The following ASNS variants were observed in gnomAD, a reference collection of about 807,000 sequenced individuals.
ASNS encodes the protein asparagine synthetase [glutamine-hydrolyzing].
In ASNS, 37 loss-of-function variants were observed where a neutral mutation model predicts 62.6. That is an observed-to-expected ratio of 0.59 (90% confidence interval 0.45 to 0.78). The LOEUF is 0.78. ASNS is among the 30% of genes least tolerant of loss of function. ASNS has a pLI of 0.00. For missense variants in ASNS, 520 were observed against 682.4 expected (o/e 0.76, Z 2.65); for synonymous variants, 207 against 237.9 (o/e 0.87, Z 1.19).
chr7:97,903,242 G>GT, the ASNS span, among the ~76,000 whole-genome samples: 697 of 142,676 alleles, frequency 4.9e-3, 6 homozygotes, highest in African/African-American at 0.016. Flanking sequence ...AAGATCCAGA[G>GT]TTTTTTTTTT....
Position 97,856,830 on chromosome 7 carries a change from G to A in ASNS, c.904-14C>T, listed in dbSNP as rs1562814863. 1.3e-6 allele frequency: 2 copies of A among 1,583,600 alleles called. No individual in the cohort carries two copies. Among genetic ancestry groups the A allele is most frequent in the Non-Finnish European group, 1.7e-6 (2 of 1,164,630 alleles). On this transcript the variant is annotated splice_polypyrimidine_tract_variant and intron_variant, in intron 7 of 12. Transcript: ENST00000394308. The stretch of plus-strand genomic sequence containing the variant: ...ATGATCTGCCACCTTATTATATAAA[G>A]AAATACCCATTTACTTGTTAAAGAA...
chr7:97,902,741 AAC>A, the ASNS span, among the ~76,000 whole-genome samples: 3 of 152,060 alleles, frequency 2.0e-5, no homozygotes, highest in African/African-American at 7.2e-5. Flanking sequence ...CAACAACAAC[AAC>A]AAAAAACTGA....
chr7:97,858,212 C>G, intron 7 of ASNS, 66 bp downstream of exon 7: 2 of 1,575,294 alleles, frequency 1.3e-6, no homozygotes. Context: ...ATTATTGACT[C>G]CATTTTCATT....
At chr7:97,879,509 G>T in the ASNS span, among the ~76,000 whole-genome samples, 3 of 152,316 alleles carry the variant, frequency 2.0e-5, no homozygotes, top group Non-Finnish European at 4.4e-5. Context: ...AGGCTATCTT[G>T]CTGGCTTTGA....
chr7:97,863,158 A>G (rs905474471), intron 4 of ASNS: 3 of 152,242 alleles, frequency 2.0e-5, no homozygotes, highest in African/African-American at 7.2e-5. Context: ...AAATGTCCAC[A>G]CAAAAACTTG....
intron 9 of ASNS, chr7:97,855,064 A>C: frequency 2.6e-6 from 1 of 387,854 alleles, no homozygotes; most frequent in Admixed American, 4.1e-5. Flanking sequence ...TGCAGCCTCA[A>C]TCTCCTGGGT....
the ASNS span, among the ~76,000 whole-genome samples, chr7:97,890,295 G>A: frequency 6.6e-6 from 1 of 152,072 alleles, no homozygotes; most frequent in African/African-American, 2.4e-5. Flanking sequence ...AATAATAACT[G>A]AAAACTTCCT....
chr7:97,917,853 A>G, the ASNS span, among the ~76,000 whole-genome samples: 1 of 152,250 alleles, frequency 6.6e-6, no homozygotes, highest in Non-Finnish European at 1.5e-5. Context: ...ACTGCGCACA[A>G]GGCCGGCGCT....
At chr7:97,855,268 C>A in intron 9 of ASNS, 85 bp downstream of exon 9, 1 of 973,142 alleles carries the variant, frequency 1.0e-6, no homozygotes, top group South Asian at 1.5e-5. Context: ...ATATCACTGT[C>A]ATACTGAAAG....
chr7:97,928,001 A>C, the ASNS span: 1 of 786,840 alleles, frequency 1.3e-6, no homozygotes, highest in Non-Finnish European at 2.0e-6. Context: ...CAGGCCACGG[A>C]GCCTCCCGCC....
chr7:97,889,951 A>C, the ASNS span, among the ~76,000 whole-genome samples: 1 of 133,246 alleles, frequency 7.5e-6, no homozygotes, highest in Non-Finnish European at 1.6e-5. Context: ...AAAAAAAAAA[A>C]CCAAACAGGA....
chr7:97,888,574 G>C, the ASNS span, among the ~76,000 whole-genome samples: 3 of 152,074 alleles, frequency 2.0e-5, no homozygotes, highest in Non-Finnish European at 4.4e-5. Context: ...AAATATTACC[G>C]TTTGCATCTT....
At chr7:97,916,507 A>AACTCTTTGCAAGCT in the ASNS span, among the ~76,000 whole-genome samples, 1 of 152,218 alleles carries the variant, frequency 6.6e-6, no homozygotes. Flanking sequence ...CTTTGCAAGC[A>AACTCTTTGCAAGCT]GCTCTTTGCA....
chr7:97,875,213 T>A (rs1006862483), upstream of ASNS, among the ~76,000 whole-genome samples: 1 of 152,180 alleles, frequency 6.6e-6, no homozygotes, highest in Non-Finnish European at 1.5e-5. Context: ...TGGTGCAATC[T>A]CAGCTCACTG....
rs1562813800 is a variant in ASNS, at chr7:97,855,363, T to C, written c.1127A>G (p.Tyr376Cys). 2 of 1,609,568 alleles carry C rather than the reference T, an allele frequency of 1.2e-6. No homozygotes were observed. Among genetic ancestry groups the C allele is most frequent in the Non-Finnish European group, 8.5e-7 (1 of 1,176,768 alleles). The change falls in exon 9 of 13, where the codon TAT (tyrosine) becomes TGT (cysteine). Residue 376 changes from tyrosine (Y) to cysteine (C), a missense_variant. Tyr to Cys is a radical substitution (Grantham distance 194). Coordinates refer to ENST00000394308, the MANE Select transcript of ASNS (RefSeq NM_001673.5). ...CTTCAGAGTGGTTACCTTGTGAAAATATATGTAACCCTGCGTAAGTTCATC... is the reference window on the plus strand; with the variant it reads ...CTTCAGAGTGGTTACCTTGTGAAAACATATGTAACCCTGCGTAAGTTCATC... Reference protein sequence around the residue: ...GSDELTQGYIYFHKAPSPEKA... With the variant: ...GSDELTQGYICFHKAPSPEKA...
the ASNS span, among the ~76,000 whole-genome samples, chr7:97,889,960 G>GAAAAAAAAAAAAATAAAAAAAAAAAA: frequency 9.5e-6 from 1 of 105,158 alleles, no homozygotes. Context: ...AACCAAACAG[G>GAAAAAAAAAAAAATAAAAAAAAAAAA]AAAACAATTC....
At chr7:97,903,960 A>G in the ASNS span, among the ~76,000 whole-genome samples, 1 of 152,102 alleles carries the variant, frequency 6.6e-6, no homozygotes, top group Non-Finnish European at 1.5e-5. Flanking sequence ...TTCTGCAGTA[A>G]AAGGGGGGTT....
At chr7:97,900,377 A>AC in the ASNS span, among the ~76,000 whole-genome samples, 3 of 151,290 alleles carry the variant, frequency 2.0e-5, no homozygotes, top group Admixed American at 6.6e-5. Flanking sequence ...AAAAAAAAAA[A>AC]AAAAAAACAG....
the ASNS span, chr7:97,908,203 A>G: frequency 6.6e-6 from 1 of 152,170 alleles, no homozygotes; most frequent in Non-Finnish European, 1.5e-5. Context: ...GATTTTAAAT[A>G]TATAACTTCT....
Sources: gnomAD v4.1 joint callset for allele counts (sites outside exome capture counted in the v4.1 genomes callset) on GRCh38, gnomAD v4.1.1 for gene constraint, MANE v1.5 for transcripts, NCBI Gene and HGNC (gene_info 2026-07-23, HGNC 2026-07-21) for gene names.